The following CPLX2 variants were observed in gnomAD, a reference collection of about 807,000 sequenced individuals.
CPLX2 encodes complexin 2.
Under a neutral mutation model 16.3 loss-of-function variants are expected in CPLX2, and 5 were observed. The ratio of observed to expected loss-of-function variants is 0.31; its 90% confidence interval spans 0.16 to 0.64. CPLX2 has a LOEUF of 0.64. Among genes scored for constraint, CPLX2 ranks in the 30% least tolerant of loss-of-function variants. The pLI is 0.79. For synonymous variants in CPLX2, 89 were observed against 73.2 expected, an observed-to-expected ratio of 1.22 and a Z score of -1.10; for missense variants, 144 against 181.4, an observed-to-expected ratio of 0.79 and a Z score of 1.18.
chr5:175,824,280 T>C (rs1214203964), intron 2 of CPLX2, among the ~76,000 whole-genome samples: 1 of 152,250 alleles, frequency 6.6e-6, no homozygotes, highest in African/African-American at 2.4e-5. Flanking sequence ...CAGTCAGAGC[T>C]TTGATCAGCA....
Position 175,876,966 on chromosome 5 carries a change from G to C in CPLX2, c.-88-1686G>C, listed in dbSNP as rs549154566. Among the ~76,000 whole-genome samples the C allele has an allele frequency of 3.2e-4, 49 of 152,312 alleles. 1 individual carries two copies. In the South Asian group the frequency reaches 4.6e-3, roughly 14 times the overall value. ...ATTTCTGAGAAAGCATGGAAAGCCT[G>C]TTCCTTTTTGGCTTGTTCCACAAAT... On this transcript the variant is annotated intron_variant, in intron 1 of 3. Coordinates refer to ENST00000393745, the MANE Select transcript of CPLX2 (RefSeq NM_001008220.2).
At chr5:175,815,121 C>A (rs1758382862) in intron 2 of CPLX2, among the ~76,000 whole-genome samples, 1 of 152,190 alleles carries the variant, frequency 6.6e-6, no homozygotes, top group Non-Finnish European at 1.5e-5. Context: ...CTGGGACCAT[C>A]CCTGAGGCCT....
intron 2 of CPLX2, among the ~76,000 whole-genome samples, chr5:175,865,520 C>G (rs191521245): frequency 2.0e-5 from 3 of 152,312 alleles, no homozygotes; most frequent in Non-Finnish European, 4.4e-5. Flanking sequence ...CCTCCTAGAA[C>G]GGGAACAAAA....
rs188738264 is a variant in CPLX2, at chr5:175,805,852, G to C, written c.-168-3137G>C. Among the ~76,000 whole-genome samples the C allele has an allele frequency of 4.7e-3, 717 of 152,268 alleles. 5 individuals carry two copies. The highest frequency in any genetic ancestry group is 0.025 in the South Asian group (120 of 4,826). On this transcript the variant is annotated intron_variant, in intron 1 of 4. Coordinates refer to the CPLX2 transcript ENST00000359546. Reference sequence around the variant, plus strand: ...GCATGGGTCAGCTGATGAGAGGGTTGACTGCCACAGACGCCCATGTCACCG... The same window carrying C: ...GCATGGGTCAGCTGATGAGAGGGTTCACTGCCACAGACGCCCATGTCACCG...
At chr5:175,817,488 A>G (rs768311788) in intron 2 of CPLX2, among the ~76,000 whole-genome samples, 2 of 152,012 alleles carry the variant, frequency 1.3e-5, no homozygotes, top group South Asian at 2.1e-4. Flanking sequence ...ACTGAGTCCA[A>G]CCTCCCCTGA....
intron 2 of CPLX2, among the ~76,000 whole-genome samples, chr5:175,813,416 G>A (rs189577749): frequency 6.6e-6 from 1 of 152,166 alleles, no homozygotes; most frequent in African/African-American, 2.4e-5. Context: ...ACTTAAGAAG[G>A]GCTCAAAAAG....
chr5:175,833,267 C>T (rs1758764867), intron 2 of CPLX2, among the ~76,000 whole-genome samples: 1 of 152,122 alleles, frequency 6.6e-6, no homozygotes, highest in South Asian at 2.1e-4. Flanking sequence ...ACGGAGGCTT[C>T]ATAATCTACC....
Position 175,853,651 on chromosome 5 carries a change from C to G in CPLX2, c.-88-25001C>G, listed in dbSNP as rs142573868. ...AGCAACTTGAACCCATAAGAGGAGA[C>G]GGTACAAAGTCAGCAACTGTCTGCA... is the stretch of plus-strand genomic sequence containing the variant. On this transcript the variant is annotated intron_variant, in intron 2 of 4. Transcript: ENST00000359546. Among the ~76,000 whole-genome samples, 241 of 152,288 alleles carry G rather than the reference C, an allele frequency of 1.6e-3. 1 individual carries two copies. Among genetic ancestry groups the G allele is most frequent in the Middle Eastern group, 3.4e-3 (1 of 294 alleles).
chr5:175,835,728 C>CTTTT (rs71575283), intron 2 of CPLX2, among the ~76,000 whole-genome samples: 4 of 54,796 alleles, frequency 7.3e-5, no homozygotes, highest in African/African-American at 1.7e-4. Context: ...TATTTATTTA[C>CTTTT]TTTTTTTTTT....
chr5:175,847,873 G>T (rs528454212), intron 2 of CPLX2, among the ~76,000 whole-genome samples: 1 of 152,204 alleles, frequency 6.6e-6, no homozygotes, highest in Non-Finnish European at 1.5e-5. Flanking sequence ...CAGTCCCCCC[G>T]TGAGGTTCAA....
chr5:175,844,793 AG>A (rs1316008278), intron 2 of CPLX2, among the ~76,000 whole-genome samples: 1 of 152,246 alleles, frequency 6.6e-6, no homozygotes, highest in Non-Finnish European at 1.5e-5. Flanking sequence ...GTGCCTTTGC[AG>A]GGGGAGGAAG....
intron 2 of CPLX2, among the ~76,000 whole-genome samples, chr5:175,859,344 G>A (rs1759320163): frequency 6.6e-6 from 1 of 152,194 alleles, no homozygotes; most frequent in Admixed American, 6.5e-5. Context: ...AATGGAAAGA[G>A]GCCAGATAAA....
intron 2 of CPLX2, among the ~76,000 whole-genome samples, chr5:175,819,938 T>C (rs1758475938): frequency 6.6e-6 from 1 of 152,206 alleles, no homozygotes; most frequent in African/African-American, 2.4e-5. Flanking sequence ...CAAGGACATC[T>C]ATCTCACTCC....
intron 2 of CPLX2, among the ~76,000 whole-genome samples, chr5:175,841,736 G>T (rs997364463): frequency 1.3e-5 from 2 of 152,150 alleles, no homozygotes; most frequent in African/African-American, 2.4e-5. Flanking sequence ...GATCAGATTG[G>T]CACAGTGGTT....
chr5:175,831,523 G>A (rs1459004168), intron 2 of CPLX2, among the ~76,000 whole-genome samples: 1 of 152,218 alleles, frequency 6.6e-6, no homozygotes, highest in African/African-American at 2.4e-5. Flanking sequence ...GCTGCTGAGA[G>A]GGGAAAAGTG....
At chr5:175,873,041 G>C (rs944697618) in intron 1 of CPLX2, 1 of 150,620 alleles carries the variant, frequency 6.6e-6, no homozygotes, top group African/African-American at 2.4e-5. Context: ...CTGGTGCTAC[G>C]ACGGCATCCC....
At chr5:175,869,987 C>T (rs79900008), upstream of CPLX2, among the ~76,000 whole-genome samples, 534 of 152,266 alleles carry the variant, frequency 3.5e-3, 5 homozygotes, top group African/African-American at 0.012. Context: ...AAAGAGGGGA[C>T]GGGGAGGACT....
Position 175,878,765 on chromosome 5 carries a change from T to C in CPLX2, c.26T>C (p.Leu9Pro). Residue 9 changes from leucine (L) to proline (P), a missense_variant, in exon 2 of 4, where the codon CTT becomes CCT. By Grantham distance (98) the Leu-to-Pro change is moderately conservative. Coordinates refer to ENST00000393745, the MANE Select transcript of CPLX2 (RefSeq NM_001008220.2). ...ATGGACTTCGTCATGAAGCAGGCCC[T>C]TGGAGGTGAGGTCCAGCGCCCCTCC... is the stretch of plus-strand genomic sequence containing the variant. MDFVMKQA[L>P]GGATKDMGKM... 6.2e-7 allele frequency: 1 copy of C among 1,613,536 alleles called. No individual in the cohort carries two copies. Among genetic ancestry groups the C allele is most frequent in the Non-Finnish European group, 8.5e-7 (1 of 1,179,898 alleles).
chr5:175,838,451 G>C (rs1393155350), intron 2 of CPLX2, among the ~76,000 whole-genome samples: 2 of 152,026 alleles, frequency 1.3e-5, no homozygotes, highest in African/African-American at 2.4e-5. Context: ...TGTATTTTTA[G>C]TAGAGATGGG....
Sources: gnomAD v4.1 joint callset for allele counts (sites outside exome capture counted in the v4.1 genomes callset) on GRCh38, gnomAD v4.1.1 for gene constraint, MANE v1.5 for transcripts, NCBI Gene and HGNC (gene_info 2026-07-23, HGNC 2026-07-21) for gene names.